PIGL: variants seen among roughly 807,000 people sequenced by gnomAD.
PIGL encodes phosphatidylinositol glycan anchor biosynthesis class L.
PIGL carries 22 observed loss-of-function variants against 31.1 expected under a neutral mutation model. The ratio of observed to expected loss-of-function variants is 0.71; its 90% CI spans 0.51 to 1.01. The LOEUF is 1.01. Among genes scored for constraint, PIGL ranks in the 50% least tolerant of loss-of-function variants. The probability of loss-of-function intolerance (pLI) is 0.00; values close to 1 mark genes in which losing one functional copy is unlikely to be tolerated. For missense variants in PIGL, 302 were observed against 315.9 expected (o/e 0.96, Z 0.33); for synonymous variants, 131 against 117.4 (o/e 1.12, Z -0.75).
At chr17:16,237,380 T>TTA (rs1252292232) in intron 2 of PIGL, among the ~76,000 whole-genome samples, 1 of 151,474 alleles carries the variant, frequency 6.6e-6, no homozygotes, top group East Asian at 1.9e-4. Context: ...AGTGCTGGGA[T>TTA]TACAGACGTG....
intron 2 of PIGL, among the ~76,000 whole-genome samples, chr17:16,277,358 A>G (rs940386825): frequency 9.2e-5 from 14 of 152,252 alleles, no homozygotes; most frequent in African/African-American, 3.4e-4. Context: ...TGGTTTCTGA[A>G]TTTTGGAGAA....
At chr17:16,234,937 GTATCA>G (rs2092693636) in intron 2 of PIGL, among the ~76,000 whole-genome samples, 1 of 151,984 alleles carries the variant, frequency 6.6e-6, no homozygotes, top group Admixed American at 6.6e-5. Context: ...ATAAAGAATA[GTATCA>G]TAAACCCCCA....
At chr17:16,305,249 T>C (rs2093021729) in intron 3 of PIGL, among the ~76,000 whole-genome samples, 1 of 152,032 alleles carries the variant, frequency 6.6e-6, no homozygotes, top group Admixed American at 6.6e-5. Context: ...GTCACGTCAC[T>C]GCACTGCACT....
intron 3 of PIGL, among the ~76,000 whole-genome samples, chr17:16,301,746 T>C (rs1474680879): frequency 1.3e-5 from 2 of 151,934 alleles, no homozygotes; most frequent in African/African-American, 4.8e-5. Context: ...TAATTTTTTG[T>C]ATTTTTAATA....
intron 2 of PIGL, among the ~76,000 whole-genome samples, chr17:16,289,867 C>G (rs1015550802): frequency 6.6e-6 from 1 of 152,174 alleles, no homozygotes; most frequent in Non-Finnish European, 1.5e-5. Flanking sequence ...ACCTCCACCT[C>G]CTGGGTTAAA....
At chr17:16,252,723 A>ACT (rs1415117692) in intron 2 of PIGL, among the ~76,000 whole-genome samples, 1 of 152,166 alleles carries the variant, frequency 6.6e-6, no homozygotes, top group Non-Finnish European at 1.5e-5. Flanking sequence ...GTACATTTTG[A>ACT]TAATATTTTA....
intron 2 of PIGL, among the ~76,000 whole-genome samples, chr17:16,258,315 G>A (rs1600789078): frequency 1.3e-5 from 2 of 149,572 alleles, no homozygotes; most frequent in African/African-American, 4.9e-5. Context: ...AAGTAGCTGG[G>A]ACTACAGGTG....
intron 1 of PIGL, among the ~76,000 whole-genome samples, chr17:16,220,511 CAG>C (rs2092623350): frequency 9.5e-6 from 1 of 104,716 alleles, no homozygotes; most frequent in Non-Finnish European, 1.8e-5. Context: ...TTTTTTGAGG[CAG>C]AGTCTCACCC....
In PIGL at chr17:16,223,531, C is replaced by T. The variant is rs539166334; in HGVS notation, c.235+6070C>T. ...GGTGGAGGTTGCAGTGAGCCAAGAT[C>T]GCTCCACTGCACTTCAGCCTGAGCG... is the stretch of plus-strand genomic sequence containing the variant. On this transcript the variant is annotated intron_variant, in intron 1 of 6. Transcript: ENST00000225609. Among the ~76,000 whole-genome samples, 11 of 151,760 alleles carry T rather than the reference C, an allele frequency of 7.2e-5. 1 individual carries two copies. The South Asian group carries it at 1.9e-3, about 26-fold the overall frequency.
At chr17:16,271,115 G>C (rs879791457) in intron 2 of PIGL, among the ~76,000 whole-genome samples, 16 of 152,098 alleles carry the variant, frequency 1.1e-4, no homozygotes, top group African/African-American at 3.9e-4. Flanking sequence ...GCATCTTAGG[G>C]AATTTCATTA....
At chr17:16,293,867 G>C (rs755177869) in intron 2 of PIGL, among the ~76,000 whole-genome samples, 1 of 152,168 alleles carries the variant, frequency 6.6e-6, no homozygotes, top group African/African-American at 2.4e-5. Flanking sequence ...GGTACGAAGT[G>C]GGGTAGTCTA....
At position 16,217,400 on chromosome 17, in the gene PIGL, T is replaced by C. The variant is rs752226508; in HGVS notation, c.174T>C (p.Ala58=). The C allele has an allele frequency of 3.3e-5, 53 of 1,614,018 alleles. No homozygotes were observed. Among genetic ancestry groups the C allele is most frequent in the Middle Eastern group, 3.3e-4 (2 of 6,084 alleles). ...CTGACGATGAAGCCATGTTTTTTGC[T>C]CCCACAGTGCTAGGCTTGGCCCGCC... The part of the protein sequence containing the change: ...AHPDDEAMFF[A]PTVLGLARLR... The change falls in exon 1 of 7, where the codon GCT becomes GCC. Residue 58 remains alanine (A), a synonymous_variant. Coordinates refer to ENST00000225609, the MANE Select transcript of PIGL (RefSeq NM_004278.4).
chr17:16,284,602 A>G (rs1339926953), intron 2 of PIGL, among the ~76,000 whole-genome samples: 3 of 152,114 alleles, frequency 2.0e-5, no homozygotes, highest in Non-Finnish European at 4.4e-5. Flanking sequence ...ATCAGCTGAC[A>G]CCACCCAGAT....
At chr17:16,228,759 T>TAG (rs959265014) in intron 1 of PIGL, among the ~76,000 whole-genome samples, 1 of 152,208 alleles carries the variant, frequency 6.6e-6, no homozygotes, top group African/African-American at 2.4e-5. Flanking sequence ...CCATCACCAC[T>TAG]ATTTCATCAT....
At chr17:16,227,578 C>CTTTTTTTTTTTT (rs57452229) in intron 1 of PIGL, among the ~76,000 whole-genome samples, 1 of 103,194 alleles carries the variant, frequency 9.7e-6, no homozygotes, top group African/African-American at 3.9e-5. Flanking sequence ...ATTTTCTTTT[C>CTTTTTTTTTTTT]TTTTTTTTTT....
Position 16,326,179 on chromosome 17 carries a change from T to C in PIGL, c.*281T>C, listed in dbSNP as rs2093126462. The C allele has an allele frequency of 5.0e-6, 2 of 403,236 alleles. No individual in the cohort carries two copies. The highest frequency in any genetic ancestry group is 8.9e-6 in the Non-Finnish European group (2 of 223,790). 25.0% of individuals were successfully genotyped at this position (403,236 alleles called of 1,614,324 possible). ...AAAAACAATTTACATAATGACACAG[T>C]AGATGTGGAACACCTAGCCCAGTGC... On this transcript the variant is annotated 3_prime_UTR_variant, in exon 7 of 7. Coordinates refer to ENST00000225609, the MANE Select transcript of PIGL (RefSeq NM_004278.4).
chr17:16,305,329 A>G (rs1273635997), intron 3 of PIGL, among the ~76,000 whole-genome samples: 1 of 152,168 alleles, frequency 6.6e-6, no homozygotes, highest in East Asian at 1.9e-4. Context: ...AAGTTACCAA[A>G]TGACCCTGGG....
intron 2 of PIGL, among the ~76,000 whole-genome samples, chr17:16,276,385 C>G (rs1336933785): frequency 6.6e-6 from 1 of 152,104 alleles, no homozygotes; most frequent in African/African-American, 2.4e-5. Context: ...GGTTGGTTCT[C>G]AGGAATAAGC....
intron 2 of PIGL, among the ~76,000 whole-genome samples, chr17:16,234,432 G>A (rs1468989001): frequency 2.6e-5 from 4 of 151,862 alleles, no homozygotes; most frequent in Non-Finnish European, 5.9e-5. Context: ...GGGCGACAGT[G>A]AGACTTCATC....
Sources: gnomAD v4.1 joint callset for allele counts (sites outside exome capture counted in the v4.1 genomes callset) on GRCh38, gnomAD v4.1.1 for gene constraint, MANE v1.5 for transcripts, NCBI Gene and HGNC (gene_info 2026-07-23, HGNC 2026-07-21) for gene names.